The following PCDHGA4 variants were observed in gnomAD, a reference collection of about 807,000 sequenced individuals.
PCDHGA4 encodes protocadherin gamma-A4.
A neutral mutation model predicts 54.6 loss-of-function variants in PCDHGA4; 38 were observed. The ratio of observed to expected loss-of-function variants is 0.70; its 90% CI spans 0.54 to 0.91. The LOEUF (loss-of-function observed/expected upper bound fraction) is 0.91, where lower values mean the gene tolerates loss of function less well. Among genes scored for constraint, PCDHGA4 ranks in the 40% least tolerant of loss-of-function variants. The pLI is 0.00. For synonymous variants in PCDHGA4, 511 were observed against 512.9 expected (o/e 1.00, Z 0.05); for missense variants, 1,298 against 1,220.9 (o/e 1.06, Z -0.94).
At chr5:141,475,815 C>T (rs2099373124) in intron 1 of PCDHGA4, 1 of 340,648 alleles carries the variant, frequency 2.9e-6, no homozygotes, top group Non-Finnish European at 5.3e-6. Flanking sequence ...AAGTGAAGTT[C>T]CTGGCGCTAG....
In PCDHGA4 at chr5:141,433,837, CA is replaced by C. The variant is rs56191208; in HGVS notation, c.2515-60952del. ...GGGCAACAAGAGTGAAACTCTATCT[CA>C]AAAAAAAAAAAAAAAAACTTTATCC... On this transcript the variant is annotated intron_variant, in intron 1 of 3. Coordinates refer to ENST00000571252, the MANE Select transcript of PCDHGA4 (RefSeq NM_018917.4). Among the ~76,000 whole-genome samples, 895 of 111,670 alleles carry C rather than the reference CA, an allele frequency of 8.0e-3. 6 individuals carry two copies. Among genetic ancestry groups the C allele is most frequent in the South Asian group, 0.02 (67 of 3,288 alleles). The allele number at this position is 111,670 out of a possible 152,430, so 73.3% of individuals were successfully genotyped here. A position where few individuals can be genotyped will look rare whatever the true frequency, so the allele number is the denominator to read the frequency against.
At chr5:141,496,146 G>A (rs749790409) in intron 2 of PCDHGA4, among the ~76,000 whole-genome samples, 1 of 151,170 alleles carries the variant, frequency 6.6e-6, no homozygotes, top group Non-Finnish European at 1.5e-5. Flanking sequence ...GCCTTTGATC[G>A]CAGCTCTCCA....
rs78612001 is a variant in PCDHGA4 at position 141,432,435 on chromosome 5, C to A, written c.2515-62372C>A. ...TTCGTGCTGGACCAGAACGACAATG[C>A]GCCCGAGATCCTGTACCCCGCCCTC... On this transcript the variant is annotated intron_variant, in intron 1 of 3. Coordinates refer to ENST00000571252, the MANE Select transcript of PCDHGA4 (RefSeq NM_018917.4). The surrounding 1 kb of genome is among the most constrained non-coding windows in gnomAD (Gnocchi z 6.0). The A allele has an allele frequency of 0.027, 43,228 of 1,614,212 alleles. 830 individuals are homozygous for A. The highest frequency in any genetic ancestry group is 0.092 in the African/African-American group (6,903 of 75,054).
chr5:141,455,254 G>T (rs936599726), intron 1 of PCDHGA4, among the ~76,000 whole-genome samples: 3 of 151,732 alleles, frequency 2.0e-5, no homozygotes, highest in African/African-American at 7.3e-5. Context: ...TAGTACAATC[G>T]CATTTCTTCC....
At chr5:141,399,833 C>A in intron 1 of PCDHGA4, 1 of 1,613,140 alleles carries the variant, frequency 6.2e-7, no homozygotes, top group Non-Finnish European at 8.5e-7. Context: ...GACGGCTCTG[C>A]GCTCTTCGAT....
chr5:141,428,886 G>T (rs1002869474), intron 1 of PCDHGA4: 3 of 149,710 alleles, frequency 2.0e-5, no homozygotes, highest in Non-Finnish European at 2.9e-5. Context: ...ACGGAGTCTC[G>T]CTCTGTGGTC....
intron 1 of PCDHGA4, among the ~76,000 whole-genome samples, chr5:141,471,992 C>T (rs2099268578): frequency 6.6e-6 from 1 of 152,070 alleles, no homozygotes; most frequent in Non-Finnish European, 1.5e-5. Flanking sequence ...TATTAAAAAT[C>T]CCTGCATCGT....
At chr5:141,375,275 GT>G in intron 1 of PCDHGA4, 3 of 1,613,902 alleles carry the variant, frequency 1.9e-6, no homozygotes, top group Non-Finnish European at 1.7e-6. Flanking sequence ...GGAAAAATCA[GT>G]TGGCAATTAT....
At chr5:141,360,766 G>A in intron 1 of PCDHGA4, 2 of 1,613,872 alleles carry the variant, frequency 1.2e-6, no homozygotes, top group Non-Finnish European at 1.7e-6. Flanking sequence ...ACATCAATTG[G>A]TCCTCACAGC....
At chr5:141,377,633 T>C (rs1357016658) in intron 1 of PCDHGA4, 2 of 152,058 alleles carry the variant, frequency 1.3e-5, no homozygotes, top group Non-Finnish European at 2.9e-5. Flanking sequence ...TTGTTTTTTC[T>C]CAGTGTTACT....
At chr5:141,463,532 T>G (rs1237301892) in intron 1 of PCDHGA4, among the ~76,000 whole-genome samples, 1 of 133,692 alleles carries the variant, frequency 7.5e-6, no homozygotes, top group African/African-American at 2.8e-5. Flanking sequence ...TACTAGAAAC[T>G]CCGGCTCCCG....
At chr5:141,366,181 T>C (rs1310080502) in intron 1 of PCDHGA4, 4 of 1,613,836 alleles carry the variant, frequency 2.5e-6, no homozygotes, top group African/African-American at 1.3e-5. Context: ...CAGGACTCTT[T>C]GCGGTTGGGC....
intron 1 of PCDHGA4, among the ~76,000 whole-genome samples, chr5:141,481,556 G>T (rs553126587): frequency 6.6e-6 from 1 of 152,148 alleles, no homozygotes; most frequent in African/African-American, 2.4e-5. Flanking sequence ...AGTGGCTCAC[G>T]CCTGTAATCC....
At chr5:141,465,266 C>G (rs2099099623) in intron 1 of PCDHGA4, among the ~76,000 whole-genome samples, 1 of 152,096 alleles carries the variant, frequency 6.6e-6, no homozygotes, top group South Asian at 2.1e-4. Flanking sequence ...ATGATACTAG[C>G]CATTTAGTTC....
intron 1 of PCDHGA4, chr5:141,403,479 A>G: frequency 1.2e-6 from 2 of 1,613,848 alleles, no homozygotes; most frequent in Non-Finnish European, 1.7e-6. Flanking sequence ...AGCCCCAATC[A>G]CCACTTCTCC....
intron 2 of PCDHGA4, among the ~76,000 whole-genome samples, chr5:141,500,587 C>T (rs1418158417): frequency 6.6e-5 from 10 of 152,170 alleles, no homozygotes; most frequent in South Asian, 2.1e-4. Flanking sequence ...ACACTTTATT[C>T]ACATATTAAG....
chr5:141,448,565 AT>A (rs2098595794), intron 1 of PCDHGA4, among the ~76,000 whole-genome samples: 1 of 152,070 alleles, frequency 6.6e-6, no homozygotes, highest in Non-Finnish European at 1.5e-5. Flanking sequence ...ATATATTTTT[AT>A]TTCCCCATTT....
rs1407774111 is a variant in PCDHGA4 at position 141,431,569 on chromosome 5, C to G, written c.2515-63238C>G. On this transcript the variant is annotated intron_variant, in intron 1 of 3. Transcript: ENST00000571252. The surrounding 1 kb of genome is among the most constrained non-coding windows in gnomAD (Gnocchi z 4.8). Reference sequence around the variant, plus strand: ...TTGTAGTCAACGCTACCGACCCTGACGAAGGAGTCAATGCGGAAGTGAGGT... The same window carrying G: ...TTGTAGTCAACGCTACCGACCCTGAGGAAGGAGTCAATGCGGAAGTGAGGT... 5.6e-6 allele frequency: 9 copies of G among 1,614,000 alleles called. No homozygotes were observed. Among genetic ancestry groups the G allele is most frequent in the African/African-American group, 2.7e-5 (2 of 74,932 alleles).
chr5:141,418,579 A>C, intron 1 of PCDHGA4: 1 of 1,614,000 alleles, frequency 6.2e-7, no homozygotes. Context: ...ACAACCCCCC[A>C]GTGTTCAGCC....
Sources: allele counts gnomAD v4.1 joint callset (sites outside exome capture counted in the v4.1 genomes callset), GRCh38; gene constraint gnomAD v4.1.1; non-coding constraint Gnocchi (gnomAD v3.1); transcripts MANE v1.5; gene names NCBI Gene and HGNC (gene_info 2026-07-23, HGNC 2026-07-21).